TET2: variants seen among roughly 807,000 people sequenced by gnomAD.
TET2 encodes the protein methylcytosine dioxygenase TET2.
In TET2, 299 loss-of-function variants were observed where a neutral mutation model predicts 142.9. That is an observed-to-expected ratio of 2.09 (90% confidence interval 1.90 to 2.30). The LOEUF (loss-of-function observed/expected upper bound fraction) is 2.30, where lower values mean the gene tolerates loss of function less well. Among genes scored for constraint, TET2 ranks in the 30% most tolerant of loss-of-function variants. The pLI, the probability that TET2 is intolerant of heterozygous loss-of-function variation, is 0.00. For synonymous variants in TET2, 819 were observed against 849.0 expected (o/e 0.96, Z 0.61); for missense variants, 2,418 against 2,378.0 (o/e 1.02, Z -0.35).
chr4:105,168,693 A>G (rs1397964721), intron 1 of TET2, among the ~76,000 whole-genome samples: 1 of 152,060 alleles, frequency 6.6e-6, no homozygotes, highest in Non-Finnish European at 1.5e-5. Flanking sequence ...TCACCCGAGC[A>G]GTATACACTT....
intron 1 of TET2, among the ~76,000 whole-genome samples, chr4:105,155,205 A>G (rs1578530466): frequency 6.6e-6 from 1 of 152,248 alleles, no homozygotes; most frequent in Non-Finnish European, 1.5e-5. Context: ...AACTGTTTAT[A>G]TCTCCACTTG....
chr4:105,155,277 CTT>C (rs1200138642), intron 1 of TET2, among the ~76,000 whole-genome samples: 1 of 152,176 alleles, frequency 6.6e-6, no homozygotes, highest in African/African-American at 2.4e-5. Flanking sequence ...ACAAGTGACT[CTT>C]TTCCTGTTAA....
chr4:105,240,762 G>C (rs2110247104), intron 3 of TET2: 13 of 1,079,774 alleles, frequency 1.2e-5, no homozygotes, highest in Middle Eastern at 8.3e-4. Context: ...TGACTCTCCA[G>C]GATTTTCTCT....
chr4:105,182,121 T>C lies in TET2; in HGVS notation c.-192-8239T>C, dbSNP rs186019406. On this transcript the variant is annotated intron_variant, in intron 1 of 10. Transcript: ENST00000380013. ...ACCAAAGTTAATAGTTACATTTTTT[T>C]CCAGTGACAAATGGTAATTTGCAAA... 2.8e-3 allele frequency among the ~76,000 whole-genome samples: 420 copies of C among 152,346 alleles called. 2 individuals carry two copies. Among genetic ancestry groups the C allele is most frequent in the African/African-American group, 9.6e-3 (400 of 41,588 alleles).
At chr4:105,169,603 C>G (rs997631307) in intron 1 of TET2, among the ~76,000 whole-genome samples, 1 of 152,002 alleles carries the variant, frequency 6.6e-6, no homozygotes, top group Non-Finnish European at 1.5e-5. Flanking sequence ...ACCTATTTAT[C>G]TTTGTTTTTG....
At chr4:105,160,964 C>T (rs188853234) in intron 1 of TET2, among the ~76,000 whole-genome samples, 41 of 152,168 alleles carry the variant, frequency 2.7e-4, no homozygotes, top group African/African-American at 9.2e-4. Context: ...TTAGTAGAGG[C>T]GGGGTTTTAC....
intron 1 of TET2, among the ~76,000 whole-genome samples, chr4:105,162,223 C>G (rs946342914): frequency 2.0e-5 from 3 of 152,128 alleles, no homozygotes; most frequent in Admixed American, 1.3e-4. Context: ...GCATAGGAGT[C>G]CCAGGTTACC....
At chr4:105,186,861 A>G (rs891821801) in intron 1 of TET2, among the ~76,000 whole-genome samples, 1 of 152,202 alleles carries the variant, frequency 6.6e-6, no homozygotes, top group Non-Finnish European at 1.5e-5. Context: ...GAATATTATC[A>G]TATTGGAGAC....
chr4:105,255,696 T>C (rs1730088959), intron 6 of TET2, among the ~76,000 whole-genome samples: 1 of 152,148 alleles, frequency 6.6e-6, no homozygotes. Flanking sequence ...GCTTGAACTT[T>C]TTATTATAAA....
intron 2 of TET2, among the ~76,000 whole-genome samples, chr4:105,226,100 A>G (rs544177862): frequency 8.5e-6 from 1 of 117,088 alleles, no homozygotes; most frequent in African/African-American, 2.9e-5. Flanking sequence ...CCTAAACCTT[A>G]AAAAAAAAGC....
chr4:105,176,309 A>G (rs990910667), intron 1 of TET2, among the ~76,000 whole-genome samples: 5 of 152,328 alleles, frequency 3.3e-5, no homozygotes, highest in Non-Finnish European at 2.9e-5. Context: ...GACAAAGGAA[A>G]GAAAATGAAA....
intron 8 of TET2, 45 bp downstream of exon 8, chr4:105,261,893 T>C (rs748002295): frequency 1.7e-6 from 2 of 1,146,982 alleles, no homozygotes; most frequent in Non-Finnish European, 1.3e-6. Flanking sequence ...AACTTACTTG[T>C]TACTAATGAC....
In TET2 at chr4:105,237,055, AGTCGTTATTT is replaced by A. The variant is rs1310310992; in HGVS notation, c.3115_3124del (p.Ser1039ThrfsTer13). On this transcript the variant is annotated frameshift_variant, in exon 3 of 11. Transcript: ENST00000380013. LOFTEE classifies it high-confidence loss of function. ...CAGCATCTGAAGCAGTTTCACGCCA[AGTCGTTATTT>A]GACCATAAGGCTCTTACTCTCAAAT... 6.2e-7 allele frequency: 1 copy of A among 1,614,072 alleles called. No individual in the cohort carries two copies. The highest frequency in any genetic ancestry group is 1.3e-5 in the African/African-American group (1 of 74,932).
Position 105,279,050 on chromosome 4 carries a change from T to C in TET2, c.*2531T>C, listed in dbSNP as rs1368741786. 1 of 232,770 alleles carries C rather than the reference T, an allele frequency of 4.3e-6. No homozygotes were observed. The highest frequency in any genetic ancestry group is 8.5e-6 in the Non-Finnish European group (1 of 117,840). 14.4% of individuals were successfully genotyped at this position (232,770 alleles called of 1,614,324 possible). A position where few individuals can be genotyped will look rare whatever the true frequency, so the allele number is the denominator to read the frequency against. The stretch of plus-strand genomic sequence containing the variant: ...AATCTTTGTAAGCTGGCTTTTGTCT[T>C]TTTAAAAAATTTCTTGAATTTGTGG... On this transcript the variant is annotated 3_prime_UTR_variant, in exon 11 of 11. Transcript: ENST00000380013.
chr4:105,223,359 TTAAA>T (rs1311035134), intron 2 of TET2, among the ~76,000 whole-genome samples: 3 of 152,134 alleles, frequency 2.0e-5, no homozygotes, highest in South Asian at 2.1e-4. Context: ...GCTTTAATAT[TTAAA>T]TATTAAATAA....
intron 1 of TET2, among the ~76,000 whole-genome samples, chr4:105,163,138 T>C (rs1049640600): frequency 1.3e-5 from 2 of 152,204 alleles, no homozygotes; most frequent in Non-Finnish European, 2.9e-5. Flanking sequence ...TGTAACAAAT[T>C]ATCAGACTTT....
chr4:105,208,860 G>T (rs1428156492), intron 2 of TET2, among the ~76,000 whole-genome samples: 1 of 151,586 alleles, frequency 6.6e-6, no homozygotes, highest in Non-Finnish European at 1.5e-5. Context: ...TTCCCCCAAA[G>T]AACGAACTGT....
At chr4:105,194,086 G>A (rs1725940529) in intron 2 of TET2, among the ~76,000 whole-genome samples, 1 of 151,984 alleles carries the variant, frequency 6.6e-6, no homozygotes, top group South Asian at 2.1e-4. Flanking sequence ...ACTTGGTCTA[G>A]CCCAGGTCTC....
chr4:105,256,691 A>T (rs1190091465), intron 6 of TET2, among the ~76,000 whole-genome samples: 1 of 151,974 alleles, frequency 6.6e-6, no homozygotes, highest in East Asian at 1.9e-4. Context: ...CCTATTCTTT[A>T]TTCTTCATCC....
Sources: allele counts gnomAD v4.1 joint callset (sites outside exome capture counted in the v4.1 genomes callset), GRCh38; gene constraint gnomAD v4.1.1; transcripts MANE v1.5; gene names NCBI Gene and HGNC (gene_info 2026-07-23, HGNC 2026-07-21).